The following PDE1C variants were observed in gnomAD, a reference collection of about 807,000 sequenced individuals.
PDE1C encodes phosphodiesterase 1C.
In PDE1C, 62 loss-of-function variants were observed where a neutral mutation model predicts 93.1. The ratio of observed to expected loss-of-function variants is 0.67; its 90% CI spans 0.54 to 0.82. PDE1C has a LOEUF of 0.82. PDE1C is among the 40% of genes least tolerant of loss of function. PDE1C has a pLI of 0.00. For missense variants in PDE1C, 742 were observed against 884.6 expected, an observed-to-expected ratio of 0.84 and a Z score of 2.04; for synonymous variants, 325 against 310.1, an observed-to-expected ratio of 1.05 and a Z score of -0.50.
intron 1 of PDE1C, among the ~76,000 whole-genome samples, chr7:32,311,899 G>A (rs572566764): frequency 4.3e-4 from 65 of 152,112 alleles, no homozygotes; most frequent in African/African-American, 1.5e-3. Flanking sequence ...TGGAAGTTCT[G>A]GCCAGGGCAA....
At chr7:32,411,885 A>G (rs1393080441) in intron 1 of PDE1C, among the ~76,000 whole-genome samples, 1 of 145,586 alleles carries the variant, frequency 6.9e-6, no homozygotes, top group Non-Finnish European at 1.5e-5. Flanking sequence ...TTTCTAAAAT[A>G]TTTTAATTTT....
chr7:32,102,473 GTAA>G (rs1411400966), intron 3 of PDE1C, among the ~76,000 whole-genome samples: 1 of 152,208 alleles, frequency 6.6e-6, no homozygotes, highest in Non-Finnish European at 1.5e-5. Flanking sequence ...TGAAGTGACA[GTAA>G]TAATACTATC....
At chr7:32,098,229 C>CAAAAAAAAAAAAAAAAAAAAAAA (rs60146342) in intron 3 of PDE1C, among the ~76,000 whole-genome samples, 1 of 46,264 alleles carries the variant, frequency 2.2e-5, no homozygotes, top group African/African-American at 8.4e-5. Flanking sequence ...GACTCCGTCT[C>CAAAAAAAAAAAAAAAAAAAAAAA]AAAAAAAAAA....
the PDE1C span, among the ~76,000 whole-genome samples, chr7:31,637,684 G>T: frequency 1.3e-5 from 2 of 152,170 alleles, no homozygotes; most frequent in Non-Finnish European, 2.9e-5. Flanking sequence ...CATTCTGTAG[G>T]TTGCTTGTTC....
the PDE1C span, among the ~76,000 whole-genome samples, chr7:31,678,310 C>A: frequency 0.016 from 2,509 of 152,186 alleles, 78 homozygotes; most frequent in African/African-American, 0.057. Flanking sequence ...AGGGGATAAC[C>A]TTTCCAGATA....
intron 1 of PDE1C, among the ~76,000 whole-genome samples, chr7:32,249,464 A>T (rs1426543806): frequency 6.6e-6 from 1 of 152,066 alleles, no homozygotes; most frequent in African/African-American, 2.4e-5. Context: ...CAGCGATTGC[A>T]TGGGACACTG....
chr7:32,107,535 C>T (rs1486847402), intron 3 of PDE1C, among the ~76,000 whole-genome samples: 1 of 152,068 alleles, frequency 6.6e-6, no homozygotes, highest in Non-Finnish European at 1.5e-5. Flanking sequence ...AAAATACCAA[C>T]TTAGAATTCT....
Position 31,866,369 on chromosome 7 carries a change from A to T in PDE1C, c.610-1287T>A, listed in dbSNP as rs113819274. ...TTCATTACCATTTTTAAAAATAAAG[A>T]TCCAATGAACCTGGGCTCCTTGGGT... is the stretch of plus-strand genomic sequence containing the variant. On this transcript the variant is annotated intron_variant, in intron 6 of 17. Coordinates refer to ENST00000396191, the MANE Select transcript of PDE1C (RefSeq NM_001191057.4). Among the ~76,000 whole-genome samples the T allele has an allele frequency of 6.1e-3, 932 of 152,298 alleles. 2 individuals carry two copies. The highest frequency in any genetic ancestry group is 0.027 in the Middle Eastern group (8 of 294).
chr7:31,676,171 C>T, the PDE1C span, among the ~76,000 whole-genome samples: 1 of 152,128 alleles, frequency 6.6e-6, no homozygotes, highest in Non-Finnish European at 1.5e-5. Flanking sequence ...GGGCTGTCCA[C>T]AATGGTCATT....
intron 1 of PDE1C, among the ~76,000 whole-genome samples, chr7:32,211,876 C>T (rs555262587): frequency 6.6e-6 from 1 of 151,414 alleles, no homozygotes; most frequent in South Asian, 2.1e-4. Flanking sequence ...GTTTTAACAA[C>T]TTAGCCGGGT....
chr7:32,367,237 A>G (rs1784245840), intron 1 of PDE1C, among the ~76,000 whole-genome samples: 1 of 152,188 alleles, frequency 6.6e-6, no homozygotes, highest in South Asian at 2.1e-4. Context: ...ATGTGAAACT[A>G]TAAAACTCAC....
At chr7:31,803,106 T>C (rs1786280915) in intron 16 of PDE1C, among the ~76,000 whole-genome samples, 1 of 151,810 alleles carries the variant, frequency 6.6e-6, no homozygotes, top group African/African-American at 2.4e-5. Flanking sequence ...TTGGGTAGTT[T>C]CTATTGCTAT....
Position 32,366,767 on chromosome 7 carries a change from C to A in PDE1C, c.310+61055G>T, listed in dbSNP as rs547402510. Reference sequence around the variant, plus strand: ...CCAGGAGAGAACAGGATGATATATTCAAAATACTGAAAGAAAAGGCTGCCG... The same window carrying A: ...CCAGGAGAGAACAGGATGATATATTAAAAATACTGAAAGAAAAGGCTGCCG... On this transcript the variant is annotated intron_variant, in intron 1 of 1. Coordinates refer to the PDE1C transcript ENST00000672256. Among the ~76,000 whole-genome samples, 211 of 151,024 alleles carry A rather than the reference C, an allele frequency of 1.4e-3. 2 individuals are homozygous for A. The highest frequency in any genetic ancestry group is 4.8e-3 in the African/African-American group (196 of 41,082).
intron 16 of PDE1C, among the ~76,000 whole-genome samples, chr7:31,796,729 T>A (rs1231667183): frequency 7.9e-5 from 12 of 151,798 alleles, no homozygotes; most frequent in Non-Finnish European, 3.0e-5. Context: ...TCCCCAAATC[T>A]ATAAAAAAAA....
At chr7:32,062,240 C>G (rs900959206) in intron 1 of PDE1C, among the ~76,000 whole-genome samples, 1 of 152,194 alleles carries the variant, frequency 6.6e-6, no homozygotes, top group African/African-American at 2.4e-5. Flanking sequence ...ATTCCACTTT[C>G]TTCCTCATCC....
At chr7:32,374,771 C>T (rs533510893) in intron 1 of PDE1C, among the ~76,000 whole-genome samples, 6 of 152,194 alleles carry the variant, frequency 3.9e-5, no homozygotes, top group Non-Finnish European at 7.3e-5. Flanking sequence ...AACAGATGTT[C>T]AAAAGGTAAA....
chr7:32,239,909 T>A (rs1808414225), intron 1 of PDE1C, among the ~76,000 whole-genome samples: 1 of 152,206 alleles, frequency 6.6e-6, no homozygotes, highest in Non-Finnish European at 1.5e-5. Flanking sequence ...CACTTGTAGA[T>A]GGAAACCTTT....
chr7:32,121,983 G>A (rs938204996), intron 3 of PDE1C, among the ~76,000 whole-genome samples: 5 of 152,214 alleles, frequency 3.3e-5, no homozygotes, highest in African/African-American at 1.2e-4. Context: ...CCCATTTCAT[G>A]TGCAAAGACA....
chr7:31,828,393 T>G lies in PDE1C; in HGVS notation c.1204-20A>C. On this transcript the variant is annotated intron_variant, in intron 11 of 17. Coordinates refer to ENST00000396191, the MANE Select transcript of PDE1C (RefSeq NM_001191057.4). ...GTCACCCTGGAAAAATAAAAGGTCA[T>G]AGTAAATTAAGGAACAGTAGGCTGG... 4.4e-6 allele frequency: 7 copies of G among 1,604,990 alleles called. No individual in the cohort carries two copies. The South Asian group carries it at 7.7e-5, about 18-fold the overall frequency.
Sources: gnomAD v4.1 joint callset for allele counts (sites outside exome capture counted in the v4.1 genomes callset) on GRCh38, gnomAD v4.1.1 for gene constraint, MANE v1.5 for transcripts, NCBI Gene and HGNC (gene_info 2026-07-23, HGNC 2026-07-21) for gene names.